The following SELP variants were observed in gnomAD, a reference collection of about 807,000 sequenced individuals.
SELP encodes the protein P-selectin.
SELP carries 92 observed loss-of-function variants against 104.1 expected under a neutral mutation model. The observed-to-expected ratio is 0.88, with a 90% CI of 0.75 to 1.05. The LOEUF (loss-of-function observed/expected upper bound fraction) is 1.05. Among genes scored for constraint, SELP ranks in the 50% least tolerant of loss-of-function variants. The pLI is 0.00. For synonymous variants in SELP, 397 were observed against 364.5 expected, an observed-to-expected ratio of 1.09 and a Z score of -1.01; for missense variants, 1,022 against 1,017.3, an observed-to-expected ratio of 1.00 and a Z score of -0.06.
At chr1:169,629,697 A>G (rs1663541633) in intron 1 of SELP, among the ~76,000 whole-genome samples, 2 of 152,222 alleles carry the variant, frequency 1.3e-5, no homozygotes, top group Non-Finnish European at 2.9e-5. Flanking sequence ...AAATGGGGTG[A>G]CAGGTTTACC....
At chr1:169,608,375 G>T (rs1225078167) in intron 8 of SELP, among the ~76,000 whole-genome samples, 1 of 151,670 alleles carries the variant, frequency 6.6e-6, no homozygotes, top group Non-Finnish European at 1.5e-5. Flanking sequence ...TCCCTCTTCC[G>T]CCGAGCCCTT....
At chr1:169,627,670 G>C (rs768018798) in intron 1 of SELP, among the ~76,000 whole-genome samples, 2 of 152,150 alleles carry the variant, frequency 1.3e-5, no homozygotes, top group Non-Finnish European at 2.9e-5. Flanking sequence ...TTTTTATGTA[G>C]TAAGTCATTT....
At chr1:169,597,587 C>T (rs1661693295) in intron 10 of SELP, among the ~76,000 whole-genome samples, 1 of 152,146 alleles carries the variant, frequency 6.6e-6, no homozygotes, top group African/African-American at 2.4e-5. Context: ...TCCCATATAT[C>T]ATGCCATCTT....
intron 1 of SELP, among the ~76,000 whole-genome samples, chr1:169,627,486 G>A (rs1241353011): frequency 2.0e-5 from 3 of 152,160 alleles, no homozygotes; most frequent in Admixed American, 2.0e-4. Flanking sequence ...TCAGAGATGA[G>A]TTATATCTCT....
In SELP at chr1:169,626,855, C is replaced by T. The variant is rs3917666; in HGVS notation, c.3+3217G>A. 6.0e-3 allele frequency among the ~76,000 whole-genome samples: 912 copies of T among 152,192 alleles called. 7 individuals are homozygous for T. The highest frequency in any genetic ancestry group is 0.014 in the Middle Eastern group (4 of 294). On this transcript the variant is annotated intron_variant, in intron 1 of 16. Transcript: ENST00000263686. ...GACTACAGGCATGCATCACCACACCCGGCTAATTTTTTGTAGAGATAAGTT... is the reference window on the plus strand; with the variant it reads ...GACTACAGGCATGCATCACCACACCTGGCTAATTTTTTGTAGAGATAAGTT...
At chr1:169,594,179 T>A (rs1661480747) in intron 13 of SELP, among the ~76,000 whole-genome samples, 1 of 152,080 alleles carries the variant, frequency 6.6e-6, no homozygotes, top group African/African-American at 2.4e-5. Context: ...TTTAGGCAAA[T>A]AAAATAAACT....
chr1:169,619,116 G>A lies in SELP; in HGVS notation c.94+13C>T, dbSNP rs3917696. ...TTACTTAGGCCTAAGTGAAAAGTTA[G>A]CATAAAGTTTACCAGAGATCAGGGC... On this transcript the variant is annotated intron_variant, in intron 2 of 16. Transcript: ENST00000263686. The A allele has an allele frequency of 0.055, 88,674 of 1,601,250 alleles. 2,942 individuals are homozygous for A. The highest frequency in any genetic ancestry group is 0.11 in the South Asian group (9,782 of 90,732).
rs3917790 is a variant in SELP at position 169,599,232 on chromosome 1, G to C, written c.1706-2056C>G. ...AAACATGGGATGAATGACATTTGTG[G>C]AGTTATCAAGGATGCTGCTGGAATG... On this transcript the variant is annotated intron_variant, in intron 10 of 16. Transcript: ENST00000263686. Among the ~76,000 whole-genome samples, 956 of 152,226 alleles carry C rather than the reference G, an allele frequency of 6.3e-3. 9 individuals are homozygous for C. Among genetic ancestry groups the C allele is most frequent in the African/African-American group, 0.022 (905 of 41,530 alleles).
chr1:169,630,071 C>A lies in SELP; in HGVS notation c.3+1G>T. 1 of 1,614,192 alleles carries A rather than the reference C, an allele frequency of 6.2e-7. No homozygotes were observed. The highest frequency in any genetic ancestry group is 1.1e-5 in the South Asian group (1 of 91,088). On this transcript the variant is annotated splice_donor_variant, in intron 1 of 16. Transcript: ENST00000263686. LOFTEE classifies it high-confidence loss of function. The stretch of plus-strand genomic sequence containing the variant: ...TCCCATGCAGAAAAAAATAAACTCA[C>A]CATCTCCTCTGTGACTCTGCTGGTT...
intron 13 of SELP, 109 bp from the exon 14 acceptor site, chr1:169,593,833 G>C: frequency 8.9e-7 from 1 of 1,122,414 alleles, no homozygotes; most frequent in East Asian, 2.5e-5. Flanking sequence ...CGATCAAGTA[G>C]GATCACCAAA....
At chr1:169,616,144 T>A (rs890416774) in intron 3 of SELP, among the ~76,000 whole-genome samples, 5 of 152,180 alleles carry the variant, frequency 3.3e-5, no homozygotes, top group African/African-American at 1.2e-4. Context: ...AGAATTAAAA[T>A]ACACTCGAAG....
chr1:169,606,535 A>C (rs143659199), intron 9 of SELP, among the ~76,000 whole-genome samples: 1 of 151,740 alleles, frequency 6.6e-6, no homozygotes, highest in Non-Finnish European at 1.5e-5. Context: ...CCATTTTACC[A>C]TTATACCCTG....
In SELP at chr1:169,603,362, C is replaced by T. The variant is rs551057781; in HGVS notation, c.1520-151G>A. ...GTGTGTGTGTGTGATTAATATACAA[C>T]GATGGTATTTGGCTAAAAGTGATTG... On this transcript the variant is annotated intron_variant, in intron 9 of 16. Transcript: ENST00000263686. The T allele has an allele frequency of 2.1e-4, 123 of 595,224 alleles. 5 individuals are homozygous for T. The South Asian group carries it at 2.6e-3, about 13-fold the overall frequency. 36.9% of individuals were successfully genotyped at this position (595,224 alleles called of 1,614,324 possible). A position where few individuals can be genotyped will look rare whatever the true frequency, so the allele number is the denominator to read the frequency against.
Position 169,591,454 on chromosome 1 carries a change from C to G in SELP, c.2410G>C (p.Asp804His). 1 of 1,557,888 alleles carries G rather than the reference C, an allele frequency of 6.4e-7. No individual in the cohort carries two copies. Among genetic ancestry groups the G allele is most frequent in the South Asian group, 1.2e-5 (1 of 83,332 alleles). The change falls in exon 15 of 17, where the codon GAT becomes CAT. Residue 804 changes from aspartate (D) to histidine (H), a missense_variant and splice_region_variant. Transcript: ENST00000263686. ...TGAGGATTCAAGGGGCATTTCCCAT[C>G]ATCTAAAATCAGCAAGAAGACAAGA... The part of the protein sequence containing the change: ...LLRKRFRQKD[D>H]GKCPLNPHSH...
At position 169,594,783 on chromosome 1, in the gene SELP, G is replaced by A. The variant is rs553177637; in HGVS notation, c.2196C>T (p.Phe732=). ...TAAGTAACTGGCCCTCTAGACAATG[G>A]AAAGAGCAGATTGATCCATAACTGA... ...GNFSYGSICS[F]HCLEGQLLNG... is the part of the protein sequence containing the mutation. Residue 732 remains phenylalanine, a synonymous_variant, in exon 13 of 17, where the codon TTC becomes TTT. Coordinates refer to ENST00000263686, the MANE Select transcript of SELP (RefSeq NM_003005.4). 8.7e-6 allele frequency: 14 copies of A among 1,613,880 alleles called. No homozygotes were observed. The highest frequency in any genetic ancestry group is 1.7e-5 in the Admixed American group (1 of 59,978).
In SELP at chr1:169,607,014, A is replaced by C. The variant is rs949024040; in HGVS notation, c.1454T>G (p.Val485Gly). The change falls in exon 9 of 17, where the codon GTG becomes GGG. Residue 485 changes from valine to glycine, a missense_variant. Transcript: ENST00000263686. ...CAAGCACTGTAGCACACTTGCTCCC[A>C]CCAGGAGCAAGCCTTCATTGCAGGT... is the stretch of plus-strand genomic sequence containing the variant. ...SFTCNEGLLL[V>G]GASVLQCLAT... 4 of 1,613,720 alleles carry C rather than the reference A, an allele frequency of 2.5e-6. No homozygotes were observed. Among genetic ancestry groups the C allele is most frequent in the Non-Finnish European group, 3.4e-6 (4 of 1,179,714 alleles).
intron 1 of SELP, among the ~76,000 whole-genome samples, chr1:169,626,442 A>T (rs1293575883): frequency 1.3e-5 from 2 of 152,190 alleles, no homozygotes; most frequent in African/African-American, 2.4e-5. Context: ...TTAGCTGGGC[A>T]TGGTGGCGCA....
At chr1:169,609,425 G>C (rs1031586073) in intron 8 of SELP, 79 bp downstream of exon 8, 1 of 1,348,928 alleles carries the variant, frequency 7.4e-7, no homozygotes, top group Non-Finnish European at 1.0e-6. Context: ...ATAAAGAAAG[G>C]CATGCCAATG....
Position 169,609,490 on chromosome 1 carries a change from C to T in SELP, c.1333+14G>A, listed in dbSNP as rs1662380134. ...GCTGAGACACACAGAAAAACATTAC[C>T]ACTGTTACAGTACCTTGACAGACTG... On this transcript the variant is annotated intron_variant, in intron 8 of 16. Coordinates refer to ENST00000263686, the MANE Select transcript of SELP (RefSeq NM_003005.4). The T allele has an allele frequency of 1.2e-6, 2 of 1,603,750 alleles. No individual in the cohort carries two copies. Among genetic ancestry groups the T allele is most frequent in the African/African-American group, 2.7e-5 (2 of 74,606 alleles).
Sources: allele counts gnomAD v4.1 joint callset (sites outside exome capture counted in the v4.1 genomes callset), GRCh38; gene constraint gnomAD v4.1.1; transcripts MANE v1.5; gene names NCBI Gene and HGNC (gene_info 2026-07-23, HGNC 2026-07-21).